TEX9: variants seen among roughly 807,000 people sequenced by gnomAD.
The protein encoded by TEX9 is testis-expressed protein 9.
TEX9 carries 74 observed loss-of-function variants against 59.6 expected under a neutral mutation model. The ratio of observed to expected loss-of-function variants is 1.24; its 90% CI spans 1.03 to 1.51. The LOEUF is 1.51. Among genes scored for constraint, TEX9 ranks in the 40% most tolerant of loss-of-function variants. The probability of loss-of-function intolerance (pLI) is 0.00; values close to 1 mark genes in which losing one functional copy is unlikely to be tolerated. For synonymous variants in TEX9, 186 were observed against 152.2 expected (o/e 1.22, Z -1.64); for missense variants, 522 against 447.8 (o/e 1.17, Z -1.49).
At chr15:56,388,786 T>C (rs2048075132) in intron 5 of TEX9, among the ~76,000 whole-genome samples, 1 of 152,000 alleles carries the variant, frequency 6.6e-6, no homozygotes. Flanking sequence ...TATTTTTTTT[T>C]CCTGACGCTT....
At chr15:56,396,958 TAG>T (rs2048511911) in intron 9 of TEX9, 1 of 152,258 alleles carries the variant, frequency 6.6e-6, no homozygotes, top group Non-Finnish European at 1.5e-5. Flanking sequence ...TTGGTACTAG[TAG>T]AGTCAGGCGC....
intron 1 of TEX9, among the ~76,000 whole-genome samples, chr15:56,267,547 G>T (rs2141374194): frequency 6.6e-6 from 1 of 152,264 alleles, no homozygotes; most frequent in East Asian, 1.9e-4. Flanking sequence ...TCTGCATATG[G>T]CTAGCCAGTT....
At chr15:56,416,460 T>C (rs2049691051) in intron 10 of TEX9, among the ~76,000 whole-genome samples, 1 of 151,990 alleles carries the variant, frequency 6.6e-6, no homozygotes, top group South Asian at 2.1e-4. Context: ...TCTGCATCTA[T>C]TGAGGTAATC....
At chr15:56,370,228 C>T (rs116094729) in intron 2 of TEX9, among the ~76,000 whole-genome samples, 4,212 of 152,042 alleles carry the variant, frequency 0.028, 196 homozygotes, top group African/African-American at 0.095. Flanking sequence ...TGTGGAAAGA[C>T]GTTAGAATGC....
At chr15:56,368,481 G>T (rs984094691) in intron 2 of TEX9, among the ~76,000 whole-genome samples, 5 of 151,968 alleles carry the variant, frequency 3.3e-5, no homozygotes, top group African/African-American at 9.7e-5. Context: ...TTTCTTGGAA[G>T]CTTTTTATAA....
At chr15:56,438,842 A>C (rs1393845337) in intron 12 of TEX9, among the ~76,000 whole-genome samples, 4 of 152,330 alleles carry the variant, frequency 2.6e-5, no homozygotes, top group Non-Finnish European at 4.4e-5. Flanking sequence ...ATATGAATAG[A>C]CACTTCTCAA....
At chr15:56,426,626 T>TATATATATATATACACACAC (rs1214988827) in intron 10 of TEX9, among the ~76,000 whole-genome samples, 3 of 47,178 alleles carry the variant, frequency 6.4e-5, no homozygotes, top group Non-Finnish European at 5.0e-5. Context: ...TATATATATA[T>TATATATATATATACACACAC]ACACACACAC....
chr15:56,306,529 T>C (rs2045490160), intron 1 of TEX9, among the ~76,000 whole-genome samples: 1 of 152,194 alleles, frequency 6.6e-6, no homozygotes, highest in Admixed American at 6.5e-5. Context: ...TTGCATGTTA[T>C]CACTCATTTA....
chr15:56,262,207 A>T (rs1168148097), intron 1 of TEX9, among the ~76,000 whole-genome samples: 1 of 152,248 alleles, frequency 6.6e-6, no homozygotes, highest in African/African-American at 2.4e-5. Context: ...GCTGGCAAGA[A>T]CAAATATTTA....
intron 1 of TEX9, chr15:56,323,373 C>T: frequency 6.0e-6 from 1 of 166,976 alleles, no homozygotes; most frequent in Non-Finnish European, 1.3e-5. Flanking sequence ...TCAAGGAACT[C>T]TATGTATCTG....
chr15:56,387,833 A>G (rs755550073), intron 4 of TEX9, among the ~76,000 whole-genome samples: 1 of 151,962 alleles, frequency 6.6e-6, no homozygotes, highest in South Asian at 2.1e-4. Flanking sequence ...GAGTGGGTGG[A>G]TTCAGCCTGT....
intron 3 of TEX9, among the ~76,000 whole-genome samples, chr15:56,380,194 C>G (rs1172064144): frequency 6.6e-6 from 1 of 151,942 alleles, no homozygotes; most frequent in African/African-American, 2.4e-5. Context: ...TGTTTTTTGG[C>G]TTGAGGTTAC....
chr15:56,278,112 T>G lies in TEX9; in HGVS notation c.-107+33834T>G, dbSNP rs576977033. ...TTTTCAATATTTTTATTCAACCTAT[T>G]CTTTCCTATATGTTCTTTACAATAT... On this transcript the variant is annotated intron_variant, in intron 1 of 5. Transcript: ENST00000560827. Among the ~76,000 whole-genome samples the G allele has an allele frequency of 2.2e-3, 341 of 152,332 alleles. 1 individual carries two copies. The highest frequency in any genetic ancestry group is 7.9e-3 in the African/African-American group (328 of 41,574).
In TEX9 at chr15:56,435,666, C is replaced by T. The variant is rs567180114; in HGVS notation, c.*29+7193C>T. Among the ~76,000 whole-genome samples the T allele has an allele frequency of 2.2e-4, 34 of 151,940 alleles. 1 individual carries two copies. The highest frequency in any genetic ancestry group is 7.5e-4 in the African/African-American group (31 of 41,456). On this transcript the variant is annotated intron_variant, in intron 12 of 12. Coordinates refer to ENST00000352903, the Ensembl canonical transcript of TEX9. The stretch of plus-strand genomic sequence containing the variant: ...AATAGTCCTATCACTATTAAGGAGA[C>T]GGAATTAATAACTTAAAATTCCTCC...
chr15:56,325,617 A>G (rs1289967839), intron 1 of TEX9, among the ~76,000 whole-genome samples: 1 of 152,116 alleles, frequency 6.6e-6, no homozygotes, highest in African/African-American at 2.4e-5. Flanking sequence ...GCACCCTCTC[A>G]TAATGTAAGG....
At chr15:56,440,793 C>T (rs940362605) in intron 12 of TEX9, among the ~76,000 whole-genome samples, 1 of 152,058 alleles carries the variant, frequency 6.6e-6, no homozygotes, top group African/African-American at 2.4e-5. Context: ...AAGGTTTATC[C>T]ATGTTTTAGC....
intron 9 of TEX9, chr15:56,395,456 G>GC (rs1360645382): frequency 6.6e-6 from 1 of 152,066 alleles, no homozygotes; most frequent in East Asian, 1.9e-4. Context: ...GTTTTTGTGT[G>GC]CACGTATGTT....
intron 1 of TEX9, among the ~76,000 whole-genome samples, chr15:56,273,960 C>A (rs530980137): frequency 6.6e-6 from 1 of 152,126 alleles, no homozygotes; most frequent in Non-Finnish European, 1.5e-5. Context: ...CTGACCTTCT[C>A]GTATCTGTGG....
intron 10 of TEX9, among the ~76,000 whole-genome samples, chr15:56,417,235 G>C (rs2049737872): frequency 1.3e-5 from 2 of 151,618 alleles, no homozygotes; most frequent in African/African-American, 4.9e-5. Flanking sequence ...CTCATCTTCT[G>C]CTAGCTTTGG....
Sources: gnomAD v4.1 joint callset for allele counts (sites outside exome capture counted in the v4.1 genomes callset) on GRCh38, gnomAD v4.1.1 for gene constraint, MANE v1.5 for transcripts, NCBI Gene and HGNC (gene_info 2026-07-23, HGNC 2026-07-21) for gene names.